Variants in MROH2B observed in about 807,000 individuals in gnomAD.
The protein encoded by MROH2B is maestro heat like repeat family member 2B, also known as maestro heat-like repeat-containing protein family member 2B.
A neutral mutation model predicts 208.6 loss-of-function variants in MROH2B; 177 were observed. The observed-to-expected ratio is 0.85, with a 90% CI of 0.75 to 0.96. The LOEUF is 0.96. Among genes scored for constraint, MROH2B ranks in the 40% least tolerant of loss-of-function variants. The probability of loss-of-function intolerance (pLI) is 0.00; values close to 1 mark genes in which losing one functional copy is unlikely to be tolerated. For missense variants in MROH2B, 2,002 were observed against 1,878.7 expected (o/e 1.07, Z -1.21); for synonymous variants, 728 against 659.0 (o/e 1.10, Z -1.60).
chr5:41,018,926 A>G lies in MROH2B; in HGVS notation c.2534T>C (p.Leu845Pro), dbSNP rs888495291. 1 of 1,613,878 alleles carries G rather than the reference A, an allele frequency of 6.2e-7. No individual in the cohort carries two copies. The highest frequency in any genetic ancestry group is 8.5e-7 in the Non-Finnish European group (1 of 1,179,872). ...RLLPLPPLEN[L>P]KSEGQTDKDK... ...CTTGTCTGTCTGGCCTTCACTTTTC[A>G]GATTTTCCAGAGGTGGAAGGGGCAG... is the stretch of plus-strand genomic sequence containing the variant. Residue 845 changes from leucine (L) to proline (P), a missense_variant, in exon 25 of 42, where the codon CTG (leucine) becomes CCG (proline). Leu to Pro is a moderately conservative substitution (Grantham distance 98, BLOSUM62 -3). Transcript: ENST00000399564.
rs75615922 is a variant in MROH2B, at chr5:41,038,387, G to A, written c.2214+349C>T. On this transcript the variant is annotated intron_variant, in intron 21 of 41. Coordinates refer to ENST00000399564, the MANE Select transcript of MROH2B (RefSeq NM_173489.5). ...TCACAGCAGTGGTAGGACATGAACC[G>A]CTCAGGGCTTTAGGAAAGAAAATAG... 3.6e-3 allele frequency among the ~76,000 whole-genome samples: 550 copies of A among 152,138 alleles called. 3 individuals carry two copies. Among genetic ancestry groups the A allele is most frequent in the African/African-American group, 0.013 (524 of 41,492 alleles).
chr5:41,039,387 A>G (rs1742870742), intron 20 of MROH2B, 61 bp downstream of exon 20: 2 of 986,708 alleles, frequency 2.0e-6, no homozygotes, highest in East Asian at 2.6e-5. Context: ...ATATTCACTG[A>G]AGAAATCAGG....
chr5:41,064,945 TATATGTAAAC>T (rs1202447183), intron 4 of MROH2B, among the ~76,000 whole-genome samples: 1 of 152,210 alleles, frequency 6.6e-6, no homozygotes, highest in Non-Finnish European at 1.5e-5. Context: ...ATCCCCAAAG[TATATGTAAAC>T]ATATGTAACA....
chr5:41,061,845 C>T (rs184285232), intron 5 of MROH2B, 121 bp from the exon 6 acceptor site: 147 of 1,087,248 alleles, frequency 1.4e-4, no homozygotes, highest in South Asian at 2.0e-4. Context: ...GATGATCTTA[C>T]GACTGCATCA....
intron 3 of MROH2B, 120 bp from the exon 4 acceptor site, chr5:41,065,610 CA>C (rs1232599780): frequency 4.9e-6 from 4 of 818,768 alleles, no homozygotes; most frequent in South Asian, 2.2e-5. Flanking sequence ...ATTATAGATT[CA>C]GGGGGTACAT....
At chr5:41,033,769 T>A (rs1439129756) in intron 22 of MROH2B, 69 bp downstream of exon 22, 2 of 1,271,682 alleles carry the variant, frequency 1.6e-6, no homozygotes, top group African/African-American at 2.9e-5. Context: ...CTTGGCACAC[T>A]TCAGGGGGGC....
At chr5:41,047,971 C>T (rs1232774219) in intron 16 of MROH2B, among the ~76,000 whole-genome samples, 1 of 152,126 alleles carries the variant, frequency 6.6e-6, no homozygotes, top group East Asian at 1.9e-4. Flanking sequence ...AAAATCTAGG[C>T]TTTTTGCTAA....
chr5:41,062,708 G>A (rs189223303), intron 5 of MROH2B, among the ~76,000 whole-genome samples: 1 of 152,254 alleles, frequency 6.6e-6, no homozygotes, highest in African/African-American at 2.4e-5. Flanking sequence ...ACCCTGGAAA[G>A]GACCCTGAGC....
rs200676167 is a variant in MROH2B, at chr5:41,000,232, G to T, written c.4470C>A (p.Phe1490Leu). 7.1e-5 allele frequency: 114 copies of T among 1,613,740 alleles called. No homozygotes were observed. Among genetic ancestry groups the T allele is most frequent in the Non-Finnish European group, 7.6e-5 (90 of 1,179,826 alleles). The change falls in exon 39 of 42, where the codon TTC becomes TTA. Residue 1490 changes from phenylalanine to leucine, a missense_variant. Phe to Leu is a conservative substitution (Grantham distance 22, BLOSUM62 0). Transcript: ENST00000399564. ...LPRARDFYRQFCVKLAKKNQE... is the reference protein window; with the variant it reads ...LPRARDFYRQLCVKLAKKNQE... ...ATTGGACACTCACCAGTTTCACACA[G>T]AATTGCCTGTAGAAATCCCTGGCCC... is the stretch of plus-strand genomic sequence containing the variant.
Position 41,057,343 on chromosome 5 carries a change from C to T in MROH2B, c.774G>A (p.Leu258=). 6.3e-7 allele frequency: 1 copy of T among 1,577,682 alleles called. No homozygotes were observed. Residue 258 remains leucine (L), a synonymous_variant, in exon 8 of 42, where the codon CTG becomes CTA. Transcript: ENST00000399564. ...FHVTQSLKQI[L]TAAVLYDIGL... is the part of the protein sequence containing the mutation. ...CAATGTCATAAAGAACTGCTGCAGT[C>T]AGTATTTGTTTTAGGCTCTAAAGTG... is the stretch of plus-strand genomic sequence containing the variant.
chr5:41,037,868 G>A (rs1335958016), intron 21 of MROH2B, among the ~76,000 whole-genome samples: 1 of 152,160 alleles, frequency 6.6e-6, no homozygotes, highest in African/African-American at 2.4e-5. Context: ...CTTGATTCTT[G>A]TGTGATTCTT....
In MROH2B at chr5:41,071,058, C is replaced by T. The variant is rs556147159; in HGVS notation, c.-206G>A. ...CTGTTGAAGTTGATACTGTATTCTACCACTATGACATTGTCTTGCGTCTGA... is the reference window on the plus strand; with the variant it reads ...CTGTTGAAGTTGATACTGTATTCTATCACTATGACATTGTCTTGCGTCTGA... On this transcript the variant is annotated 5_prime_UTR_variant, in exon 1 of 42. Transcript: ENST00000399564. 9.1e-6 allele frequency: 5 copies of T among 549,536 alleles called. No homozygotes were observed. In the South Asian group the frequency reaches 1.3e-4, roughly 14 times the overall value. 34.0% of individuals were successfully genotyped at this position (549,536 alleles called of 1,614,324 possible). A position where few individuals can be genotyped will look rare whatever the true frequency, so the allele number is the denominator to read the frequency against.
At chr5:41,041,744 C>G (rs1342751162) in intron 19 of MROH2B, among the ~76,000 whole-genome samples, 4 of 152,128 alleles carry the variant, frequency 2.6e-5, no homozygotes, top group African/African-American at 4.8e-5. Flanking sequence ...TTTAGGTTAT[C>G]TTTACATTCT....
At chr5:41,050,935 G>A (rs1743265171) in intron 13 of MROH2B, 42 bp downstream of exon 13, 9 of 1,287,746 alleles carry the variant, frequency 7.0e-6, no homozygotes, top group Non-Finnish European at 9.7e-6. Flanking sequence ...GCTTTAAGAA[G>A]GTGATCAAAG....
At chr5:41,053,615 A>G (rs1743350197) in intron 11 of MROH2B, among the ~76,000 whole-genome samples, 1 of 152,124 alleles carries the variant, frequency 6.6e-6, no homozygotes, top group Non-Finnish European at 1.5e-5. Context: ...AATTAGCATA[A>G]AGACTCTCAG....
intron 5 of MROH2B, among the ~76,000 whole-genome samples, 154 bp from the exon 6 acceptor site, chr5:41,061,878 A>C (rs1304159868): frequency 1.3e-5 from 2 of 152,248 alleles, no homozygotes; most frequent in Admixed American, 6.5e-5. Flanking sequence ...GAAAGTGCTC[A>C]GCCACAAAAG....
chr5:41,003,308 A>G (rs1741464181), intron 37 of MROH2B, among the ~76,000 whole-genome samples: 1 of 152,144 alleles, frequency 6.6e-6, no homozygotes, highest in South Asian at 2.1e-4. Context: ...AACAAGCAGA[A>G]AGATGTTTTC....
intron 24 of MROH2B, among the ~76,000 whole-genome samples, chr5:41,029,229 T>C (rs925067412): frequency 6.6e-6 from 1 of 152,140 alleles, no homozygotes; most frequent in Non-Finnish European, 1.5e-5. Flanking sequence ...ATGAGTGATA[T>C]TAAGTATTTT....
chr5:41,004,469 A>C lies in MROH2B; in HGVS notation c.4071T>G (p.Ala1357=), dbSNP rs1279084719. Residue 1357 remains alanine, a synonymous_variant, in exon 37 of 42, where the codon GCT becomes GCG. Coordinates refer to ENST00000399564, the MANE Select transcript of MROH2B (RefSeq NM_173489.5). ...ESIIRGLYHL[A]RTEVVCESLK... ...AGCTTTCACAGACGACTTCAGTGCG[A>C]GCTAGGTGATACAGGCCTCTGATGA... 2 of 1,613,882 alleles carry C rather than the reference A, an allele frequency of 1.2e-6. No individual in the cohort carries two copies. Among genetic ancestry groups the C allele is most frequent in the African/African-American group, 2.7e-5 (2 of 74,922 alleles).
Sources: gnomAD v4.1 joint callset for allele counts (sites outside exome capture counted in the v4.1 genomes callset) on GRCh38, gnomAD v4.1.1 for gene constraint, MANE v1.5 for transcripts, NCBI Gene and HGNC (gene_info 2026-07-23, HGNC 2026-07-21) for gene names.